The following IP6K3 variants were observed in gnomAD, a reference collection of about 807,000 sequenced individuals.
The protein encoded by IP6K3 is ATP:1D-myo-inositol-hexakisphosphate phosphotransferase.
IP6K3 carries 20 observed loss-of-function variants against 28.8 expected under a neutral mutation model. The ratio of observed to expected loss-of-function variants is 0.70; its 90% CI spans 0.49 to 1.01. The LOEUF (loss-of-function observed/expected upper bound fraction) is 1.01, where lower values mean the gene tolerates loss of function less well. IP6K3 is among the 50% of genes least tolerant of loss of function. The pLI is 0.00. For synonymous variants in IP6K3, 213 were observed against 221.3 expected, an observed-to-expected ratio of 0.96 and a Z score of 0.33; for missense variants, 480 against 537.1, an observed-to-expected ratio of 0.89 and a Z score of 1.05.
Position 33,746,005 on chromosome 6 carries a change from A to G in IP6K3, c.-180+753T>C, listed in dbSNP as rs1280881876. On this transcript the variant is annotated intron_variant, in intron 1 of 5. Coordinates refer to ENST00000293756, the MANE Select transcript of IP6K3 (RefSeq NM_054111.5). The surrounding 1 kb of genome is among the most constrained non-coding windows in gnomAD (Gnocchi z 6.5). ...AATGTAGAAGGCAGAGTCCCTCCCT[A>G]TGGGATCAGAATTTCAGGGGAAGGG... Among the ~76,000 whole-genome samples, 3 of 152,140 alleles carry G rather than the reference A, an allele frequency of 2.0e-5. No homozygotes were observed. Among genetic ancestry groups the G allele is most frequent in the Non-Finnish European group, 4.4e-5 (3 of 68,002 alleles).
intron 5 of IP6K3, among the ~76,000 whole-genome samples, chr6:33,723,583 T>G (rs1765992913): frequency 6.6e-6 from 1 of 152,232 alleles, no homozygotes; most frequent in Non-Finnish European, 1.5e-5. Flanking sequence ...AATAGGAATC[T>G]GAAATCACAG....
At chr6:33,748,642 CAAAAAAAAAAAAAAA>C (rs35735336), upstream of IP6K3, among the ~76,000 whole-genome samples, 1 of 38,342 alleles carries the variant, frequency 2.6e-5, no homozygotes, top group Non-Finnish European at 4.8e-5. Context: ...ACCCTGTCTC[CAAAAAAAAAAAAAAA>C]AAAAAAAAAA....
In IP6K3 at chr6:33,726,905, G is replaced by T. The variant is rs1245963349; in HGVS notation, c.415C>A (p.Pro139Thr). The T allele has an allele frequency of 6.3e-7, 1 of 1,597,592 alleles. No homozygotes were observed. Among genetic ancestry groups the T allele is most frequent in the Non-Finnish European group, 8.6e-7 (1 of 1,167,476 alleles). ...TCGGACCTCAGAAGAGCCTTGGCCG[G>T]GCTGCGGCGGAGTGGAGCACAGGAC... ...AQLARSPKES[P>T]AKALLRSEPH... Residue 139 changes from proline to threonine, a missense_variant and splice_region_variant, in exon 4 of 6, where the codon CCG becomes ACG. Physicochemically the swap from Pro to Thr is conservative, Grantham distance 38 (BLOSUM62 -1). Coordinates refer to ENST00000293756, the MANE Select transcript of IP6K3 (RefSeq NM_054111.5).
intron 1 of IP6K3, among the ~76,000 whole-genome samples, chr6:33,736,356 C>A (rs1766523816): frequency 6.6e-6 from 1 of 152,142 alleles, no homozygotes; most frequent in Admixed American, 6.5e-5. Context: ...CTGGGGCTCT[C>A]ACTGTCCTGC....
intron 1 of IP6K3, among the ~76,000 whole-genome samples, chr6:33,743,587 GA>G (rs887096197): frequency 1.4e-4 from 22 of 152,260 alleles, no homozygotes; most frequent in African/African-American, 5.3e-4. Flanking sequence ...TTTCCAGGGG[GA>G]AAAATGGAGT....
chr6:33,722,873 G>A lies in IP6K3; in HGVS notation c.1080C>T (p.Leu360=), dbSNP rs1156671137. 1.2e-6 allele frequency: 2 copies of A among 1,614,094 alleles called. No homozygotes were observed. The highest frequency in any genetic ancestry group is 1.7e-6 in the Non-Finnish European group (2 of 1,180,058). The part of the protein sequence containing the change: ...QAAHGSSPGG[L]TKVDIRMIDF... ...CAATCATGCGGATGTCAACCTTGGT[G>A]AGACCACCGGGAGAGCTACCGTGGG... is the stretch of plus-strand genomic sequence containing the variant. The change falls in exon 6 of 6, where the codon CTC becomes CTT. Residue 360 remains leucine, a synonymous_variant. Transcript: ENST00000293756.
intron 4 of IP6K3, 74 bp downstream of exon 4, chr6:33,726,657 A>G (rs1427412245): frequency 7.0e-7 from 1 of 1,421,630 alleles, no homozygotes; most frequent in Admixed American, 2.1e-5. Context: ...TGTTTCCTCT[A>G]CCCACCTCTG....
chr6:33,725,314 C>G (rs1206180622), intron 5 of IP6K3, 127 bp downstream of exon 5: 2 of 894,136 alleles, frequency 2.2e-6, no homozygotes, highest in Middle Eastern at 3.5e-4. Flanking sequence ...GGCTCCTGGC[C>G]TCCTCTGTGG....
chr6:33,727,355 G>A (rs1327768773), intron 3 of IP6K3, among the ~76,000 whole-genome samples: 1 of 152,196 alleles, frequency 6.6e-6, no homozygotes, highest in Non-Finnish European at 1.5e-5. Context: ...TGGTGAGCGT[G>A]GACAGCGGCC....
chr6:33,735,985 A>G (rs1766509441), intron 1 of IP6K3, among the ~76,000 whole-genome samples: 1 of 151,954 alleles, frequency 6.6e-6, no homozygotes, highest in East Asian at 1.9e-4. Flanking sequence ...CTCCCACCTC[A>G]GCCTCCAAGT....
At chr6:33,743,374 C>T (rs957157618) in intron 1 of IP6K3, among the ~76,000 whole-genome samples, 6 of 152,192 alleles carry the variant, frequency 3.9e-5, no homozygotes, top group Admixed American at 2.0e-4. Flanking sequence ...ACAGGTCTCT[C>T]GGAGCCAGAG....
chr6:33,733,551 AGGAGGCCGCCCCACACAT>A (rs905362442), intron 2 of IP6K3, among the ~76,000 whole-genome samples: 3 of 152,252 alleles, frequency 2.0e-5, no homozygotes, highest in Non-Finnish European at 4.4e-5. Context: ...TGGTGCTGGC[AGGAGGCCGCCCCACACAT>A]GATCCTGCCA....
upstream of IP6K3, among the ~76,000 whole-genome samples, chr6:33,747,488 A>G (rs16869466): frequency 0.11 from 16,458 of 152,188 alleles, 1,159 homozygotes; most frequent in African/African-American, 0.19. The surrounding 1 kb of genome is among the most constrained non-coding windows in gnomAD (Gnocchi z 5.2). Context: ...CAACTCCAGG[A>G]TAAGTGTCTG....
At chr6:33,730,745 G>A (rs1766292055) in intron 2 of IP6K3, among the ~76,000 whole-genome samples, 1 of 152,194 alleles carries the variant, frequency 6.6e-6, no homozygotes, top group African/African-American at 2.4e-5. Flanking sequence ...TCTGCCCAAG[G>A]TCACATGGTC....
intron 1 of IP6K3, among the ~76,000 whole-genome samples, chr6:33,736,905 G>A (rs1338149602): frequency 2.0e-5 from 3 of 152,180 alleles, no homozygotes; most frequent in South Asian, 2.1e-4. Flanking sequence ...CCCGTGGAAA[G>A]GACAGCCCAG....
intron 5 of IP6K3, among the ~76,000 whole-genome samples, chr6:33,723,515 G>A (rs1460261676): frequency 6.6e-6 from 1 of 152,222 alleles, no homozygotes. Context: ...CATGATTTAA[G>A]CCCTGGCTCC....
At chr6:33,736,550 G>A (rs977300198) in intron 1 of IP6K3, among the ~76,000 whole-genome samples, 1 of 152,096 alleles carries the variant, frequency 6.6e-6, no homozygotes, top group Admixed American at 6.5e-5. Context: ...GATTACAGGC[G>A]CCTGCCACCA....
rs1281202463 is a variant in IP6K3, at chr6:33,722,341, AGT to A, written c.*377_*378del. ...CACTCTTCAAGGCTGCTTCAAGTCA[AGT>A]TTTCTGCCTCACAGCTTGTGCGGAC... On this transcript the variant is annotated 3_prime_UTR_variant, in exon 6 of 6. Coordinates refer to ENST00000293756, the MANE Select transcript of IP6K3 (RefSeq NM_054111.5). The A allele has an allele frequency of 1.1e-5, 2 of 176,462 alleles. No individual in the cohort carries two copies. Among genetic ancestry groups the A allele is most frequent in the Non-Finnish European group, 2.4e-5 (2 of 81,798 alleles). The allele number at this position is 176,462 out of a possible 1,614,324, so 10.9% of individuals were successfully genotyped here. A position where few individuals can be genotyped will look rare whatever the true frequency, so the allele number is the denominator to read the frequency against.
intron 5 of IP6K3, among the ~76,000 whole-genome samples, chr6:33,723,824 G>A (rs1766000540): frequency 2.6e-5 from 4 of 152,212 alleles, no homozygotes; most frequent in Non-Finnish European, 5.9e-5. Flanking sequence ...TGGGGCTGGT[G>A]GCTCCTCTCC....
Sources: allele counts gnomAD v4.1 joint callset (sites outside exome capture counted in the v4.1 genomes callset), GRCh38; gene constraint gnomAD v4.1.1; non-coding constraint Gnocchi (gnomAD v3.1); transcripts MANE v1.5; gene names NCBI Gene and HGNC (gene_info 2026-07-23, HGNC 2026-07-21).